Variants in APTX observed in about 807,000 individuals in gnomAD.
APTX encodes the protein forkhead-associated domain histidine triad-like protein.
In APTX, 33 loss-of-function variants were observed where a neutral mutation model predicts 42.3. The ratio of observed to expected loss-of-function variants is 0.78; its 90% CI spans 0.59 to 1.04. APTX has a LOEUF of 1.04. APTX is among the 50% of genes least tolerant of loss of function. APTX has a pLI of 0.00. For synonymous variants in APTX, 130 were observed against 146.7 expected (o/e 0.89, Z 0.82); for missense variants, 421 against 415.1 (o/e 1.01, Z -0.12).
upstream of APTX, among the ~76,000 whole-genome samples, chr9:33,005,802 A>G (rs1178898512): frequency 6.6e-6 from 1 of 152,194 alleles, no homozygotes; most frequent in Non-Finnish European, 1.5e-5. Flanking sequence ...GGATACCCAG[A>G]TTTTAACAAT....
intron 5 of APTX, among the ~76,000 whole-genome samples, chr9:32,985,603 T>A (rs1203327657): frequency 1.3e-5 from 2 of 152,174 alleles, no homozygotes; most frequent in Non-Finnish European, 2.9e-5. Flanking sequence ...CCCAAAGTGC[T>A]GGGATTACAG....
chr9:32,995,077 T>C (rs1834501666), intron 1 of APTX, among the ~76,000 whole-genome samples: 1 of 152,234 alleles, frequency 6.6e-6, no homozygotes, highest in South Asian at 2.1e-4. Flanking sequence ...GGAGATATAT[T>C]ATACAGGGAG....
At position 33,013,408 on chromosome 9, in the gene APTX, G is replaced by A. The variant is rs943882839; in HGVS notation, c.-5+11615C>T. ...CTGTCCTAGATCTGACAGTGCCATT[G>A]CTGTTGAAAAAAAGAAAAAGGTAAA... On this transcript the variant is annotated intron_variant, in intron 1 of 6. Transcript: ENST00000436040. Among the ~76,000 whole-genome samples the A allele has an allele frequency of 3.3e-5, 5 of 152,130 alleles. No individual in the cohort carries two copies. In the South Asian group the frequency reaches 6.2e-4, roughly 19 times the overall value.
At chr9:32,993,126 G>A (rs1834024353) in intron 1 of APTX, among the ~76,000 whole-genome samples, 1 of 152,238 alleles carries the variant, frequency 6.6e-6, no homozygotes, top group East Asian at 1.9e-4. Flanking sequence ...AATCCAGTGA[G>A]CAGCAGAGAG....
chr9:33,003,966 T>C (rs749811423), upstream of APTX, among the ~76,000 whole-genome samples: 2 of 152,194 alleles, frequency 1.3e-5, no homozygotes, highest in African/African-American at 2.4e-5. Flanking sequence ...TGTATAAATA[T>C]CTCTTTGAGA....
intron 1 of APTX, among the ~76,000 whole-genome samples, chr9:33,021,004 C>T (rs1181279785): frequency 6.6e-6 from 1 of 152,104 alleles, no homozygotes; most frequent in African/African-American, 2.4e-5. Flanking sequence ...TGGAACATGC[C>T]TGTAATCCCA....
Position 32,984,753 on chromosome 9 carries a change from C to G in APTX, c.648G>C (p.Val216=). ...TAAGGAGTTCAAGGTGTTCCCTGGCCACAGCCTTCAGACTGGAAATGGAGG... is the reference window on the plus strand; with the variant it reads ...TAAGGAGTTCAAGGTGTTCCCTGGCGACAGCCTTCAGACTGGAAATGGAGG... The part of the protein sequence containing the change: ...PWTSISSLKA[V]AREHLELLKH... The change falls in exon 6 of 8, where the codon GTG becomes GTC. Residue 216 remains valine (V), a synonymous_variant. Coordinates refer to ENST00000379817, the MANE Select transcript of APTX (RefSeq NM_001195248.2). The G allele has an allele frequency of 6.2e-7, 1 of 1,614,186 alleles. No individual in the cohort carries two copies. Among genetic ancestry groups the G allele is most frequent in the Non-Finnish European group, 8.5e-7 (1 of 1,180,038 alleles).
chr9:32,974,217 A>G (rs189859276), intron 7 of APTX, among the ~76,000 whole-genome samples: 1 of 152,296 alleles, frequency 6.6e-6, no homozygotes, highest in East Asian at 1.9e-4. Context: ...TTTTGTCACA[A>G]TAAAACACTG....
In APTX at chr9:32,985,971, C is replaced by T; in HGVS notation, c.543G>A (p.Gln181=). The T allele has an allele frequency of 6.2e-7, 1 of 1,604,462 alleles. No homozygotes were observed. Among genetic ancestry groups the T allele is most frequent in the Non-Finnish European group, 8.5e-7 (1 of 1,177,828 alleles). Residue 181 remains glutamine (Q), a splice_region_variant and synonymous_variant, in exon 5 of 8, where the codon CAG becomes CAA. Transcript: ENST00000379817. The stretch of plus-strand genomic sequence containing the variant: ...TGAAATTCCAAAATTGTATTCTGAC[C>T]TGCATTTTGGGGTCCTGCATAGAAA... ...LKISMQDPKM[Q]VYKDEQVVVI...
At chr9:32,990,379 G>T (rs1833304509) in intron 1 of APTX, among the ~76,000 whole-genome samples, 1 of 151,988 alleles carries the variant, frequency 6.6e-6, no homozygotes, top group African/African-American at 2.4e-5. Flanking sequence ...CACCATGTTG[G>T]CCAGGCTGGT....
At chr9:33,017,972 A>G (rs1385042843) in intron 1 of APTX, among the ~76,000 whole-genome samples, 1 of 122,600 alleles carries the variant, frequency 8.2e-6, no homozygotes, top group Non-Finnish European at 1.6e-5. Context: ...AAGTCACTTC[A>G]TTAATATAAT....
At chr9:32,986,509 T>C (rs1309192095) in intron 4 of APTX, among the ~76,000 whole-genome samples, 2 of 145,784 alleles carry the variant, frequency 1.4e-5, no homozygotes, top group Non-Finnish European at 3.0e-5. Flanking sequence ...ATATTCTTTC[T>C]TTTTTTTTTT....
At chr9:33,001,677 G>A (rs756309668), upstream of APTX, 3 of 1,582,374 alleles carry the variant, frequency 1.9e-6, no homozygotes, top group South Asian at 2.2e-5. Context: ...GACGTCACCA[G>A]CACCTCTCTA....
At position 32,989,745 on chromosome 9, in the gene APTX, C is replaced by T; in HGVS notation, c.133+14G>A. The T allele has an allele frequency of 6.2e-7, 1 of 1,614,242 alleles. No individual in the cohort carries two copies. The highest frequency in any genetic ancestry group is 8.5e-7 in the Non-Finnish European group (1 of 1,180,034). On this transcript the variant is annotated intron_variant, in intron 2 of 7. Transcript: ENST00000379817. ...CATAACCATAGTAATCTCCACATTT[C>T]TATGACCAGTTACCTTGCTGTCGAG...
chr9:33,012,918 T>C (rs1405069744), intron 1 of APTX, among the ~76,000 whole-genome samples: 1 of 152,194 alleles, frequency 6.6e-6, no homozygotes, highest in Non-Finnish European at 1.5e-5. Flanking sequence ...AACTTCCTAA[T>C]AGAAGAGTTG....
chr9:33,009,979 T>G (rs963265754), intron 1 of APTX, among the ~76,000 whole-genome samples: 14 of 152,198 alleles, frequency 9.2e-5, no homozygotes, highest in African/African-American at 3.4e-4. Flanking sequence ...CCTCGCCTAT[T>G]TGCCCAAACA....
At chr9:33,021,191 G>C (rs925650243) in intron 1 of APTX, among the ~76,000 whole-genome samples, 3 of 148,230 alleles carry the variant, frequency 2.0e-5, no homozygotes, top group Non-Finnish European at 1.5e-5. Flanking sequence ...GGTAAGAAAA[G>C]AGGCCATCCA....
chr9:32,985,345 T>G (rs983851733), intron 5 of APTX, among the ~76,000 whole-genome samples: 2 of 149,096 alleles, frequency 1.3e-5, no homozygotes, highest in Non-Finnish European at 3.0e-5. Flanking sequence ...TTTTTTTTTT[T>G]TTTTTTGAGA....
chr9:33,005,483 C>A (rs763564305), upstream of APTX, among the ~76,000 whole-genome samples: 9 of 152,040 alleles, frequency 5.9e-5, no homozygotes, highest in African/African-American at 2.4e-5. Flanking sequence ...GTTGCCCAGG[C>A]TGGAGTGCAG....
Sources: allele counts gnomAD v4.1 joint callset (sites outside exome capture counted in the v4.1 genomes callset), GRCh38; gene constraint gnomAD v4.1.1; transcripts MANE v1.5; gene names NCBI Gene and HGNC (gene_info 2026-07-23, HGNC 2026-07-21).